The following CLCNKB variants were observed in gnomAD, a reference collection of about 807,000 sequenced individuals.
CLCNKB encodes the protein chloride channel protein ClC-Kb.
CLCNKB carries 74 observed loss-of-function variants against 83.8 expected under a neutral mutation model. The observed-to-expected ratio is 0.88, with a 90% CI of 0.73 to 1.07. The LOEUF (loss-of-function observed/expected upper bound fraction) is 1.07. Among genes scored for constraint, CLCNKB ranks in the 50% least tolerant of loss-of-function variants. The pLI is 0.00. For synonymous variants in CLCNKB, 358 were observed against 356.6 expected (o/e 1.00, Z -0.04); for missense variants, 798 against 893.6 (o/e 0.89, Z 1.36).
At chr1:16,048,725 C>A (rs2124093401) in intron 7 of CLCNKB, 143 bp downstream of exon 7, 2 of 1,478,350 alleles carry the variant, frequency 1.4e-6, no homozygotes, top group Non-Finnish European at 1.8e-6. Context: ...GGCACAGCCA[C>A]CGCCCCCCAC....
Position 16,050,538 on chromosome 1 carries a change from G to A in CLCNKB, c.991G>A (p.Ala331Thr), listed in dbSNP as rs1287315400. The change falls in exon 11 of 20, where the codon GCC (alanine) becomes ACC (threonine). Residue 331 changes from alanine (A) to threonine (T), a missense_variant. Transcript: ENST00000375679. ...CAGCAAGCCTGTGTACTCCGCTCTGGCCACCTTGGTTCTCGCCTCCATCAC... is the reference window on the plus strand; with the variant it reads ...CAGCAAGCCTGTGTACTCCGCTCTGACCACCTTGGTTCTCGCCTCCATCAC... ...ATSKPVYSAL[A>T]TLVLASITYP... 6.2e-7 allele frequency: 1 copy of A among 1,614,042 alleles called. No homozygotes were observed.
chr1:16,046,169 T>C (rs1198919481), intron 3 of CLCNKB, among the ~76,000 whole-genome samples: 3 of 152,324 alleles, frequency 2.0e-5, no homozygotes, highest in Middle Eastern at 6.8e-3. Flanking sequence ...CCTACTATGG[T>C]GTTACGGTGT....
chr1:16,044,532 A>C lies in CLCNKB; in HGVS notation c.40A>C (p.Asn14His). The C allele has an allele frequency of 6.2e-7, 1 of 1,607,208 alleles. No homozygotes were observed. Among genetic ancestry groups the C allele is most frequent in the Non-Finnish European group, 8.5e-7 (1 of 1,177,674 alleles). ...FVGLREGSSG[N>H]PVTLQELWGP... is the part of the protein sequence containing the mutation. The stretch of plus-strand genomic sequence containing the variant: ...GGGGCTGCGTGAAGGCTCCTCAGGG[A>C]ACCCTGTGACTCTGCAGGAGCTGTG... The change falls in exon 2 of 20, where the codon AAC becomes CAC. Residue 14 changes from asparagine to histidine, a missense_variant. Transcript: ENST00000375679.
chr1:16,056,906 C>A lies in CLCNKB; in HGVS notation c.2054C>A (p.Ala685Asp), dbSNP rs752970273. The change falls in exon 20 of 20, where the codon GCC (alanine) becomes GAC (aspartate). Residue 685 changes from alanine to aspartate, a missense_variant. By Grantham distance (126) the Ala-to-Asp change is moderately radical (BLOSUM62 -2). Coordinates refer to ENST00000375679, the MANE Select transcript of CLCNKB (RefSeq NM_000085.5). The part of the protein sequence containing the change: ...KAISNLTNPP[A>D]PK ...ATTTCCAACCTGACAAATCCGCCAG[C>A]CCCAAAGTGAGCCGGCCCAGCAAGA... 5 of 1,581,152 alleles carry A rather than the reference C, an allele frequency of 3.2e-6. No homozygotes were observed. The Admixed American group carries it at 5.2e-5, about 16-fold the overall frequency.
intron 7 of CLCNKB, 142 bp from the exon 8 acceptor site, chr1:16,048,978 T>C (rs2023193042): frequency 6.4e-7 from 1 of 1,566,898 alleles, no homozygotes. Context: ...GCGCATGCCC[T>C]GCCCTCCCCT....
At chr1:16,054,792 A>C (rs955031772) in intron 16 of CLCNKB, among the ~76,000 whole-genome samples, 3 of 152,092 alleles carry the variant, frequency 2.0e-5, no homozygotes, top group African/African-American at 4.8e-5. Context: ...TCCAACCAAC[A>C]CAGGCCCAGG....
At chr1:16,054,803 C>G (rs1314399273) in intron 16 of CLCNKB, among the ~76,000 whole-genome samples, 2 of 152,156 alleles carry the variant, frequency 1.3e-5, no homozygotes, top group Non-Finnish European at 2.9e-5. Flanking sequence ...CAGGCCCAGG[C>G]TGTGGGACCC....
Position 16,050,967 on chromosome 1 carries a change from C to G in CLCNKB, c.1146C>G (p.Leu382=). ...CCAGCCCACCCTGGCCCGAGGAGCT[C>G]GACCCCCAGCACCTGTGGTGGGAAT... is the stretch of plus-strand genomic sequence containing the variant. The part of the protein sequence containing the change: ...QNSSPPWPEE[L]DPQHLWWEWY... Residue 382 remains leucine (L), a synonymous_variant, in exon 12 of 20, where the codon CTC becomes CTG. Transcript: ENST00000375679. The G allele has an allele frequency of 6.2e-7, 1 of 1,613,926 alleles. No individual in the cohort carries two copies. The highest frequency in any genetic ancestry group is 8.5e-7 in the Non-Finnish European group (1 of 1,179,972).
intron 7 of CLCNKB, chr1:16,048,798 C>A: frequency 6.9e-7 from 1 of 1,448,710 alleles, no homozygotes; most frequent in Admixed American, 2.8e-5. Context: ...TAACATTATA[C>A]AGACTTGGGT....
At chr1:16,054,172 C>T (rs1380719015) in intron 16 of CLCNKB, among the ~76,000 whole-genome samples, 1 of 152,200 alleles carries the variant, frequency 6.6e-6, no homozygotes, top group African/African-American at 2.4e-5. Context: ...AGCATGGTGG[C>T]TCTTGTTAAA....
At chr1:16,048,933 C>A (rs769027001) in intron 7 of CLCNKB, 187 bp from the exon 8 acceptor site, 22 of 1,470,496 alleles carry the variant, frequency 1.5e-5, no homozygotes, top group Non-Finnish European at 1.9e-5. Context: ...CCAGGCTGGA[C>A]GGGTCTCTGG....
chr1:16,050,878 T>A lies in CLCNKB; in HGVS notation c.1057T>A (p.Ser353Thr), dbSNP rs2023266259. ...SAGRFLASRL[S>T]MKQHLDSLFD... ...GTTCCCACCTGCCCCGCCACAGCTG[T>A]CCATGAAGCAGCATCTGGACTCGCT... Residue 353 changes from serine (S) to threonine (T), a missense_variant, in exon 12 of 20, where the codon TCC becomes ACC. Coordinates refer to ENST00000375679, the MANE Select transcript of CLCNKB (RefSeq NM_000085.5). 1 of 1,611,842 alleles carries A rather than the reference T, an allele frequency of 6.2e-7. No homozygotes were observed. Among genetic ancestry groups the A allele is most frequent in the Non-Finnish European group, 8.5e-7 (1 of 1,179,906 alleles).
At chr1:16,044,845 C>G (rs2023050675) in intron 2 of CLCNKB, among the ~76,000 whole-genome samples, 2 of 152,232 alleles carry the variant, frequency 1.3e-5, no homozygotes, top group African/African-American at 4.8e-5. Flanking sequence ...CTGTGCCCAT[C>G]TTCCACCCAG....
chr1:16,049,371 G>C, intron 8 of CLCNKB, 126 bp downstream of exon 8: 2 of 1,533,818 alleles, frequency 1.3e-6, no homozygotes, highest in Non-Finnish European at 1.7e-6. Context: ...CCTCTTCCTT[G>C]TTCCCACCTC....
chr1:16,044,490 CT>C lies in CLCNKB; in HGVS notation c.-2del. 6.3e-7 allele frequency: 1 copy of C among 1,599,486 alleles called. No individual in the cohort carries two copies. On this transcript the variant is annotated 5_prime_UTR_variant, in exon 2 of 20. Transcript: ENST00000375679. ...TCCCTCTATCCGCTTCTCCAGGGGC[CT>C]GATGGAGGAGTTTGTGGGGCTGCGT...
intron 8 of CLCNKB, 31 bp downstream of exon 8, chr1:16,049,276 C>G (rs200558156): frequency 6.2e-7 from 1 of 1,611,486 alleles, no homozygotes; most frequent in Non-Finnish European, 8.5e-7. Flanking sequence ...GACCCTGGCC[C>G]TGCCTGGGGG....
At chr1:16,051,943 C>T (rs1033123760) in intron 14 of CLCNKB, 123 bp downstream of exon 14, 31 of 884,570 alleles carry the variant, frequency 3.5e-5, no homozygotes, top group South Asian at 7.0e-5. Flanking sequence ...CCCCCTACCC[C>T]TCATGGGGGT....
At position 16,044,472 on chromosome 1, in the gene CLCNKB, A is replaced by C; in HGVS notation, c.-7-14A>C. 4 of 1,585,582 alleles carry C rather than the reference A, an allele frequency of 2.5e-6. No individual in the cohort carries two copies. The highest frequency in any genetic ancestry group is 3.4e-6 in the Non-Finnish European group (4 of 1,166,292). On this transcript the variant is annotated splice_polypyrimidine_tract_variant and intron_variant, in intron 1 of 19. Coordinates refer to ENST00000375679, the MANE Select transcript of CLCNKB (RefSeq NM_000085.5). ...GCAGCTCACCGCGGTCCCTCCCTCT[A>C]TCCGCTTCTCCAGGGGCCTGATGGA... is the stretch of plus-strand genomic sequence containing the variant.
At chr1:16,056,104 T>C (rs1211034226) in intron 18 of CLCNKB, among the ~76,000 whole-genome samples, 1 of 152,204 alleles carries the variant, frequency 6.6e-6, no homozygotes, top group Non-Finnish European at 1.5e-5. Flanking sequence ...GACAAACGAC[T>C]TAACCACTCA....
Sources: allele counts gnomAD v4.1 joint callset (sites outside exome capture counted in the v4.1 genomes callset), GRCh38; gene constraint gnomAD v4.1.1; transcripts MANE v1.5; gene names NCBI Gene and HGNC (gene_info 2026-07-23, HGNC 2026-07-21).